UBASH3B: variants seen among roughly 807,000 people sequenced by gnomAD.
UBASH3B encodes the protein ubiquitin associated and SH3 domain containing B.
A neutral mutation model predicts 83.4 loss-of-function variants in UBASH3B; 37 were observed. That is an observed-to-expected ratio of 0.44 (90% CI 0.34 to 0.58). UBASH3B has a LOEUF of 0.58. Ranked by LOEUF, UBASH3B falls within the 20% of genes least tolerant of loss-of-function variation. The pLI is 0.01. For missense variants in UBASH3B, 657 were observed against 827.2 expected, an observed-to-expected ratio of 0.79 and a Z score of 2.52; for synonymous variants, 304 against 318.3, an observed-to-expected ratio of 0.96 and a Z score of 0.48.
At chr11:122,684,840 C>T (rs968886495) in intron 1 of UBASH3B, among the ~76,000 whole-genome samples, 3 of 152,156 alleles carry the variant, frequency 2.0e-5, no homozygotes, top group African/African-American at 7.2e-5. Context: ...TCAGGTGATC[C>T]ACCCGCCTTG....
At chr11:122,695,447 T>G (rs1863954511) in intron 1 of UBASH3B, among the ~76,000 whole-genome samples, 1 of 152,180 alleles carries the variant, frequency 6.6e-6, no homozygotes, top group African/African-American at 2.4e-5. Flanking sequence ...ATCCGGCTCC[T>G]CCTCTGCAAA....
intron 11 of UBASH3B, among the ~76,000 whole-genome samples, chr11:122,802,473 A>C (rs1002045210): frequency 6.6e-6 from 1 of 152,208 alleles, no homozygotes; most frequent in Non-Finnish European, 1.5e-5. Flanking sequence ...AGAGTTTGTA[A>C]CAAGTGGTCA....
intron 12 of UBASH3B, among the ~76,000 whole-genome samples, chr11:122,807,681 G>C (rs915391855): frequency 6.6e-6 from 1 of 152,026 alleles, no homozygotes; most frequent in African/African-American, 2.4e-5. Context: ...CTCCCAAGTA[G>C]CTGGGACTGC....
In UBASH3B at chr11:122,758,176, G is replaced by T. The variant is rs182335427; in HGVS notation, c.162-18043G>T. 6.6e-6 allele frequency among the ~76,000 whole-genome samples: 1 copy of T among 152,130 alleles called. No individual in the cohort carries two copies. The highest frequency in any genetic ancestry group is 1.5e-5 in the Non-Finnish European group (1 of 68,016). On this transcript the variant is annotated intron_variant, in intron 1 of 13. Transcript: ENST00000284273. This position sits in a 1 kb window ranked among gnomAD's most constrained non-coding sequence, Gnocchi z 4.2. Reference sequence around the variant, plus strand: ...CGAAGATGTGGCCGGGGGTGGGGCCGGTCTGGGGGGTATCGTAGTTGGGCC... The same window carrying T: ...CGAAGATGTGGCCGGGGGTGGGGCCTGTCTGGGGGGTATCGTAGTTGGGCC...
At chr11:122,739,066 A>T (rs944490614) in intron 1 of UBASH3B, among the ~76,000 whole-genome samples, 9 of 152,092 alleles carry the variant, frequency 5.9e-5, no homozygotes, top group African/African-American at 1.9e-4. Context: ...TGGCACGATC[A>T]CGGCTTACTG....
chr11:122,775,211 T>C (rs1860712511), intron 1 of UBASH3B, among the ~76,000 whole-genome samples: 1 of 152,224 alleles, frequency 6.6e-6, no homozygotes, highest in Non-Finnish European at 1.5e-5. Context: ...AATGAAAGGA[T>C]GGATGAATAG....
intron 1 of UBASH3B, among the ~76,000 whole-genome samples, chr11:122,728,266 C>A (rs567083838): frequency 1.4e-4 from 21 of 152,006 alleles, no homozygotes; most frequent in Admixed American, 9.8e-4. Context: ...CTGTGGGCTT[C>A]CCTAGGCTGA....
intron 1 of UBASH3B, among the ~76,000 whole-genome samples, chr11:122,756,600 G>T (rs1301722336): frequency 6.6e-6 from 1 of 152,128 alleles, no homozygotes; most frequent in African/African-American, 2.4e-5. Flanking sequence ...CCAGTGTGGA[G>T]GGCTGTGGTA....
At chr11:122,674,596 C>T (rs145475362) in intron 1 of UBASH3B, among the ~76,000 whole-genome samples, 1,594 of 151,706 alleles carry the variant, frequency 0.011, 26 homozygotes, top group African/African-American at 0.035. Context: ...TTAGCCAGGA[C>T]GGTCTTGATC....
chr11:122,799,556 G>T (rs1308950918), intron 10 of UBASH3B, among the ~76,000 whole-genome samples: 1 of 151,790 alleles, frequency 6.6e-6, no homozygotes. Context: ...TTTTCCTTGA[G>T]AATTTAAAGT....
In UBASH3B at chr11:122,773,877, G is replaced by A. The variant is rs536579289; in HGVS notation, c.162-2342G>A. 13 of 691,934 alleles carry A rather than the reference G, an allele frequency of 1.9e-5. 1 individual carries two copies. In the South Asian group the frequency reaches 8.5e-4, roughly 45 times the overall value. The allele number at this position is 691,934 out of a possible 1,614,324, so 42.9% of individuals were successfully genotyped here. A position where few individuals can be genotyped will look rare whatever the true frequency, so the allele number is the denominator to read the frequency against. Reference sequence around the variant, plus strand: ...TATATTTCATTGGGGGAAGGGTGTAGAAAAAAAGAAATTGAATTCCTTATA... The same window carrying A: ...TATATTTCATTGGGGGAAGGGTGTAAAAAAAAAGAAATTGAATTCCTTATA... On this transcript the variant is annotated intron_variant, in intron 1 of 13. Transcript: ENST00000284273.
chr11:122,778,068 G>T (rs1217839019), intron 3 of UBASH3B, among the ~76,000 whole-genome samples: 4 of 152,072 alleles, frequency 2.6e-5, no homozygotes, highest in Admixed American at 6.6e-5. Context: ...TATCACACAT[G>T]TAAATACATT....
At chr11:122,723,635 G>A (rs1309228074) in intron 1 of UBASH3B, among the ~76,000 whole-genome samples, 9 of 152,220 alleles carry the variant, frequency 5.9e-5, no homozygotes, top group Non-Finnish European at 1.3e-4. Flanking sequence ...TCAGACAACA[G>A]TGGCAGGCAG....
chr11:122,757,148 A>G (rs1435779902), intron 1 of UBASH3B, among the ~76,000 whole-genome samples: 1 of 152,248 alleles, frequency 6.6e-6, no homozygotes, highest in Non-Finnish European at 1.5e-5. Context: ...GGATGTCCCG[A>G]TGCAGTACTG....
At chr11:122,786,460 C>A (rs1487035557) in intron 5 of UBASH3B, among the ~76,000 whole-genome samples, 5 of 152,038 alleles carry the variant, frequency 3.3e-5, no homozygotes, top group Non-Finnish European at 7.4e-5. Flanking sequence ...AGTTCGAAAC[C>A]AGCCTGGCCA....
At chr11:122,712,034 AT>A (rs9326263) in intron 1 of UBASH3B, among the ~76,000 whole-genome samples, 7,611 of 145,504 alleles carry the variant, frequency 0.052, 221 homozygotes, top group Middle Eastern at 0.074. Context: ...TGCCAGCTGC[AT>A]TTTTTTTTTT....
Position 122,796,928 on chromosome 11 carries a change from A to G in UBASH3B, c.1252A>G (p.Asn418Asp), listed in dbSNP as rs1306011190. 2 of 1,614,038 alleles carry G rather than the reference A, an allele frequency of 1.2e-6. No homozygotes were observed. The highest frequency in any genetic ancestry group is 2.7e-5 in the African/African-American group (2 of 74,904). The change falls in exon 9 of 14, where the codon AAC becomes GAC. Residue 418 changes from asparagine (N) to aspartate (D), a missense_variant. By Grantham distance (23) the Asn-to-Asp change is conservative (BLOSUM62 1). Around this residue, in one of 3 missense-constraint regions of UBASH3B, gnomAD observed 573 missense variants for 739.0 expected, o/e 0.78. Coordinates refer to ENST00000284273, the MANE Select transcript of UBASH3B (RefSeq NM_032873.5). ...FDAKGRYIRTNLNMPHSLPQR... is the reference protein window; with the variant it reads ...FDAKGRYIRTDLNMPHSLPQR... ...TTTTTCAGGCCGCTACATACGCACCAACCTGAACATGCCTCATAGTTTACC... is the reference window on the plus strand; with the variant it reads ...TTTTTCAGGCCGCTACATACGCACCGACCTGAACATGCCTCATAGTTTACC...
intron 1 of UBASH3B, among the ~76,000 whole-genome samples, chr11:122,706,384 A>C (rs1864120444): frequency 6.6e-6 from 1 of 152,102 alleles, no homozygotes; most frequent in Non-Finnish European, 1.5e-5. Context: ...CTATAATCCA[A>C]GCTCTGAAAG....
At chr11:122,673,730 A>G (rs759595684) in intron 1 of UBASH3B, among the ~76,000 whole-genome samples, 3 of 151,992 alleles carry the variant, frequency 2.0e-5, no homozygotes, top group Non-Finnish European at 4.4e-5. Context: ...GAGAATGCAT[A>G]TTTTTTTGCT....
Sources: gnomAD v4.1 joint callset for allele counts (sites outside exome capture counted in the v4.1 genomes callset) on GRCh38, gnomAD v4.1.1 for gene constraint, gnomAD v4.1.1 regional missense constraint, Gnocchi (gnomAD v3.1) non-coding constraint, MANE v1.5 for transcripts, NCBI Gene and HGNC (gene_info 2026-07-23, HGNC 2026-07-21) for gene names.